Variants in TENM1 observed in about 807,000 individuals in gnomAD.
TENM1 encodes teneurin transmembrane protein 1.
A neutral mutation model predicts 174.8 loss-of-function variants in TENM1; 35 were observed. The ratio of observed to expected loss-of-function variants is 0.20; its 90% CI spans 0.15 to 0.27. The LOEUF is 0.27. Among genes scored for constraint, TENM1 ranks in the 10% least tolerant of loss-of-function variants. The pLI is 1.00. For synonymous variants in TENM1, 781 were observed against 798.7 expected, an observed-to-expected ratio of 0.98 and a Z score of 0.37; for missense variants, 1,633 against 2,130.1, an observed-to-expected ratio of 0.77 and a Z score of 4.59.
At position 124,763,609 on chromosome X, in the gene TENM1, C is replaced by T. The variant is rs2054473646; in HGVS notation, c.536-26412G>A. Among the ~76,000 whole-genome samples the T allele has an allele frequency of 3.6e-5, 4 of 111,392 alleles. No individual in the cohort carries two copies. In the South Asian group the frequency reaches 1.1e-3, roughly 32 times the overall value. On this transcript the variant is annotated intron_variant, in intron 3 of 31. Coordinates refer to ENST00000422452, the Ensembl canonical transcript of TENM1. Reference sequence around the variant, plus strand: ...CAGCTGAGTTGCAACTACTAAATGTCGCATTAATCCATTAATAATCACTCC... The same window carrying T: ...CAGCTGAGTTGCAACTACTAAATGTTGCATTAATCCATTAATAATCACTCC...
At chrX:124,778,418 C>T (rs1277860193) in intron 3 of TENM1, among the ~76,000 whole-genome samples, 1 of 111,950 alleles carries the variant, frequency 8.9e-6, no homozygotes, top group Non-Finnish European at 1.9e-5. Flanking sequence ...TCAATGTGTC[C>T]GCATGCCTAA....
chrX:124,948,206 A>G (rs1235285851), intron 1 of TENM1, among the ~76,000 whole-genome samples: 2 of 112,019 alleles, frequency 1.8e-5, no homozygotes, highest in Non-Finnish European at 3.8e-5. Context: ...AAACCTTTCA[A>G]ATGAGTTTGT....
At chrX:125,093,868 A>T in the TENM1 span, among the ~76,000 whole-genome samples, 4 of 112,289 alleles carry the variant, frequency 3.6e-5, no homozygotes, top group Admixed American at 1.9e-4. Context: ...CAAATTCTCT[A>T]TTAAAGGGTC....
At chrX:124,610,928 A>G (rs759046580) in intron 11 of TENM1, among the ~76,000 whole-genome samples, 3 of 111,402 alleles carry the variant, frequency 2.7e-5, no homozygotes, top group Non-Finnish European at 5.7e-5. Flanking sequence ...GGATTTGACT[A>G]AAGTCACGGG....
At chrX:124,833,127 A>C (rs2056323988) in intron 3 of TENM1, among the ~76,000 whole-genome samples, 1 of 112,173 alleles carries the variant, frequency 8.9e-6, no homozygotes, top group African/African-American at 3.2e-5. Context: ...GTATAAGTTA[A>C]ACTGAGAGAT....
At chrX:124,430,993 C>T (rs1464403489) in intron 23 of TENM1, among the ~76,000 whole-genome samples, 1 of 111,637 alleles carries the variant, frequency 9.0e-6, no homozygotes, top group African/African-American at 3.3e-5. Context: ...CACTAAGGAG[C>T]CAGCTTCAGT....
chrX:124,426,013 TG>T (rs2060711747), intron 23 of TENM1, among the ~76,000 whole-genome samples: 1 of 105,505 alleles, frequency 9.5e-6, no homozygotes, highest in African/African-American at 3.5e-5. Flanking sequence ...TGTGTGTGTG[TG>T]TGTGTGTGTG....
At chrX:125,175,423 T>C in the TENM1 span, among the ~76,000 whole-genome samples, 6 of 111,609 alleles carry the variant, frequency 5.4e-5, no homozygotes, top group Non-Finnish European at 9.4e-5. Flanking sequence ...ATCCAAAAAA[T>C]ATTATTATTA....
At chrX:124,588,473 A>C (rs1454687887) in intron 11 of TENM1, among the ~76,000 whole-genome samples, 1 of 107,887 alleles carries the variant, frequency 9.3e-6, no homozygotes, top group Non-Finnish European at 1.9e-5. Flanking sequence ...ATTCTCACTC[A>C]TAGGTGGGAA....
chrX:124,878,651 T>A (rs2057249951), intron 3 of TENM1, among the ~76,000 whole-genome samples: 1 of 111,406 alleles, frequency 9.0e-6, no homozygotes, highest in Non-Finnish European at 1.9e-5. Flanking sequence ...CAGATGCAGA[T>A]GCCATGCATG....
intron 3 of TENM1, among the ~76,000 whole-genome samples, chrX:124,818,503 A>G (rs1304764815): frequency 8.9e-6 from 1 of 112,017 alleles, no homozygotes; most frequent in Non-Finnish European, 1.9e-5. Flanking sequence ...GTCCAAGGAT[A>G]CACCATCTCT....
intron 16 of TENM1, among the ~76,000 whole-genome samples, chrX:124,525,810 T>C (rs1018916207): frequency 4.5e-5 from 5 of 112,003 alleles, no homozygotes; most frequent in East Asian, 5.6e-4. Context: ...GAAGCCTCTA[T>C]AATCTATCTC....
intron 3 of TENM1, among the ~76,000 whole-genome samples, chrX:124,791,065 G>A (rs2055169203): frequency 9.0e-6 from 1 of 111,677 alleles, no homozygotes; most frequent in South Asian, 3.7e-4. Context: ...CATATTAATT[G>A]CCAATAATTA....
chrX:124,674,383 G>C (rs1467504461), intron 5 of TENM1, among the ~76,000 whole-genome samples: 28 of 103,898 alleles, frequency 2.7e-4, no homozygotes, highest in Non-Finnish European at 5.3e-4. Context: ...TAGGTGAACT[G>C]AAAGGGGCTA....
chrX:125,090,335 G>C, the TENM1 span, among the ~76,000 whole-genome samples: 1 of 111,712 alleles, frequency 9.0e-6, no homozygotes, highest in Non-Finnish European at 1.9e-5. Flanking sequence ...GCAAGGCAAT[G>C]TGGAGATGCT....
the TENM1 span, among the ~76,000 whole-genome samples, chrX:125,147,634 C>A: frequency 2.6e-4 from 29 of 111,032 alleles, no homozygotes; most frequent in Admixed American, 1.3e-3. Flanking sequence ...GTCTTCCTAA[C>A]TTCCCTTATA....
At chrX:125,130,023 T>C in the TENM1 span, among the ~76,000 whole-genome samples, 1 of 111,768 alleles carries the variant, frequency 8.9e-6, no homozygotes, top group East Asian at 2.8e-4. Context: ...ACTAGCATCA[T>C]CTATAACTCC....
At chrX:124,642,413 A>C (rs2051042121) in intron 10 of TENM1, among the ~76,000 whole-genome samples, 1 of 112,371 alleles carries the variant, frequency 8.9e-6, no homozygotes, top group African/African-American at 3.2e-5. Flanking sequence ...CTTTTACTTG[A>C]TATGTCTAGA....
chrX:124,494,494 C>A (rs1219226864), intron 20 of TENM1, among the ~76,000 whole-genome samples: 5 of 91,466 alleles, frequency 5.5e-5, no homozygotes, highest in Admixed American at 1.1e-4. Context: ...CTTCCCTTTT[C>A]TTTTATTTAT....
Sources: allele counts gnomAD v4.1 joint callset (sites outside exome capture counted in the v4.1 genomes callset), GRCh38; gene constraint gnomAD v4.1.1; transcripts MANE v1.5; gene names NCBI Gene and HGNC (gene_info 2026-07-23, HGNC 2026-07-21).